LMBR1: variants seen among roughly 807,000 people sequenced by gnomAD.
LMBR1 encodes the protein limb development membrane protein 1.
In LMBR1, 52 loss-of-function variants were observed where a neutral mutation model predicts 73.9. That is an observed-to-expected ratio of 0.70 (90% confidence interval 0.56 to 0.89). The LOEUF is 0.89. Among genes scored for constraint, LMBR1 ranks in the 40% least tolerant of loss-of-function variants. The pLI is 0.00. For missense variants in LMBR1, 539 were observed against 579.8 expected, an observed-to-expected ratio of 0.93 and a Z score of 0.72; for synonymous variants, 215 against 209.4, an observed-to-expected ratio of 1.03 and a Z score of -0.23.
chr7:156,734,121 G>T, intron 10 of LMBR1, 56 bp downstream of exon 10: 1 of 1,100,746 alleles, frequency 9.1e-7, no homozygotes, highest in Non-Finnish European at 1.3e-6. Flanking sequence ...CTACAGTAAA[G>T]TCTTTAATAA....
chr7:156,721,528 T>C (rs968846048), intron 15 of LMBR1, among the ~76,000 whole-genome samples: 5 of 152,112 alleles, frequency 3.3e-5, no homozygotes, highest in African/African-American at 1.2e-4. Context: ...TCTATTAAAC[T>C]ACACAGTAAA....
intron 4 of LMBR1, among the ~76,000 whole-genome samples, chr7:156,803,852 A>C (rs1281390038): frequency 6.6e-6 from 1 of 151,872 alleles, no homozygotes; most frequent in Non-Finnish European, 1.5e-5. Flanking sequence ...AGGGACATGG[A>C]TGAAACTGGA....
intron 5 of LMBR1, 45 bp from the exon 6 acceptor site, chr7:156,763,840 T>C: frequency 6.6e-7 from 1 of 1,505,332 alleles, no homozygotes; most frequent in Non-Finnish European, 9.0e-7. Flanking sequence ...TTACTTCATT[T>C]CATGAACAAT....
intron 5 of LMBR1, among the ~76,000 whole-genome samples, chr7:156,794,144 T>C (rs1342616571): frequency 6.6e-6 from 1 of 152,216 alleles, no homozygotes; most frequent in East Asian, 1.9e-4. Flanking sequence ...ATTGGATTCA[T>C]AGTTGCCTGT....
At chr7:156,741,336 C>T (rs1441645551) in intron 9 of LMBR1, among the ~76,000 whole-genome samples, 1 of 152,130 alleles carries the variant, frequency 6.6e-6, no homozygotes, top group African/African-American at 2.4e-5. Flanking sequence ...ATGAACTAAA[C>T]TCTCCAATCA....
At chr7:156,780,910 A>G (rs1827015808) in intron 5 of LMBR1, among the ~76,000 whole-genome samples, 1 of 152,192 alleles carries the variant, frequency 6.6e-6, no homozygotes, top group Non-Finnish European at 1.5e-5. Flanking sequence ...GAAATGAGGA[A>G]GTGGGGGAGA....
At chr7:156,815,555 C>T (rs575838830) in intron 4 of LMBR1, among the ~76,000 whole-genome samples, 2 of 152,254 alleles carry the variant, frequency 1.3e-5, no homozygotes, top group South Asian at 4.1e-4. Context: ...ACTCAAAATT[C>T]CCCACATCCC....
intron 5 of LMBR1, among the ~76,000 whole-genome samples, chr7:156,768,645 C>T (rs949164623): frequency 1.3e-5 from 2 of 152,124 alleles, no homozygotes; most frequent in African/African-American, 4.8e-5. Context: ...GGGTTTCCCC[C>T]AGGAGGTATC....
Position 156,892,955 on chromosome 7 carries a change from G to A in LMBR1, c.39C>T (p.His13=). 4.5e-6 allele frequency: 7 copies of A among 1,543,808 alleles called. No homozygotes were observed. The highest frequency in any genetic ancestry group is 6.1e-6 in the Non-Finnish European group (7 of 1,152,440). The change falls in exon 1 of 17, where the codon CAC becomes CAT. Residue 13 remains histidine (H), a synonymous_variant. Coordinates refer to ENST00000353442, the MANE Select transcript of LMBR1 (RefSeq NM_022458.4). ...GQDEVSAREQ[H]FHSQVRESTI... ...TGGACTCCCGCACTTGGCTGTGGAA[G>A]TGCTGCTCCCGCGCCGACACCTCGT...
intron 1 of LMBR1, among the ~76,000 whole-genome samples, chr7:156,859,010 T>C (rs1285856521): frequency 6.6e-6 from 1 of 152,048 alleles, no homozygotes; most frequent in Admixed American, 6.5e-5. Flanking sequence ...TCCCAGCACT[T>C]TGGGAGGCCG....
At chr7:156,833,892 T>G in intron 2 of LMBR1, 100 bp from the exon 3 acceptor site, 1 of 749,770 alleles carries the variant, frequency 1.3e-6, no homozygotes, top group Non-Finnish European at 2.1e-6. Context: ...AAAAGGCAAT[T>G]ATTGAACAGA....
chr7:156,698,450 G>A (rs11760598), intron 15 of LMBR1, among the ~76,000 whole-genome samples: 5,826 of 152,308 alleles, frequency 0.038, 146 homozygotes, highest in Non-Finnish European at 0.044. Context: ...TGAGAGCCCT[G>A]CCTTTGCAGC....
At chr7:156,785,230 T>G (rs578020016) in intron 5 of LMBR1, among the ~76,000 whole-genome samples, 2 of 151,950 alleles carry the variant, frequency 1.3e-5, no homozygotes, top group Non-Finnish European at 2.9e-5. Flanking sequence ...TGAGCCAAGA[T>G]TGCACCACTG....
intron 1 of LMBR1, among the ~76,000 whole-genome samples, chr7:156,847,232 T>C (rs1356940494): frequency 6.6e-6 from 1 of 152,138 alleles, no homozygotes; most frequent in Non-Finnish European, 1.5e-5. Flanking sequence ...GACATCCACA[T>C]GCATAAAAAT....
chr7:156,756,584 C>A (rs1337323082), intron 8 of LMBR1, 119 bp from the exon 9 acceptor site: 5 of 604,820 alleles, frequency 8.3e-6, no homozygotes, highest in East Asian at 3.0e-5. Context: ...TTTCTAAGAA[C>A]ACAAAACAAA....
At chr7:156,767,447 G>A (rs750157582) in intron 5 of LMBR1, among the ~76,000 whole-genome samples, 4 of 152,012 alleles carry the variant, frequency 2.6e-5, no homozygotes, top group Non-Finnish European at 5.9e-5. Context: ...ACATTAAGAA[G>A]TGACATTCAG....
chr7:156,838,634 T>C (rs553892443), intron 1 of LMBR1, among the ~76,000 whole-genome samples: 41 of 152,336 alleles, frequency 2.7e-4, no homozygotes, highest in Non-Finnish European at 5.3e-4. Context: ...GACACTTAGG[T>C]TGATTCAACA....
chr7:156,761,066 G>A (rs1822889504), intron 8 of LMBR1, among the ~76,000 whole-genome samples: 1 of 152,212 alleles, frequency 6.6e-6, no homozygotes, highest in Non-Finnish European at 1.5e-5. Context: ...GCCTTGAAGG[G>A]AAAGAGACAG....
chr7:156,767,208 G>C (rs1201452191), intron 5 of LMBR1, among the ~76,000 whole-genome samples: 1 of 152,114 alleles, frequency 6.6e-6, no homozygotes, highest in Non-Finnish European at 1.5e-5. Context: ...TTAGGAAGCA[G>C]ACGGACTCAA....
Sources: allele counts gnomAD v4.1 joint callset (sites outside exome capture counted in the v4.1 genomes callset), GRCh38; gene constraint gnomAD v4.1.1; transcripts MANE v1.5; gene names NCBI Gene and HGNC (gene_info 2026-07-23, HGNC 2026-07-21).